ABCG1: variants seen among roughly 807,000 people sequenced by gnomAD.
The protein encoded by ABCG1 is ATP binding cassette subfamily G member 1.
Under a neutral mutation model 69.2 loss-of-function variants are expected in ABCG1, and 29 were observed. The observed-to-expected ratio is 0.42, with a 90% CI of 0.31 to 0.57. The LOEUF is 0.57. Ranked by LOEUF, ABCG1 falls within the 20% of genes least tolerant of loss-of-function variation. The pLI, the probability that ABCG1 is intolerant of heterozygous loss-of-function variation, is 0.15. For synonymous variants in ABCG1, 370 were observed against 374.8 expected (o/e 0.99, Z 0.15); for missense variants, 718 against 898.1 (o/e 0.80, Z 2.56).
chr21:42,213,237 G>T (rs73905579), upstream of ABCG1, among the ~76,000 whole-genome samples: 12,137 of 152,316 alleles, frequency 0.08, 568 homozygotes, highest in East Asian at 0.22. Context: ...AGGGTGCCGA[G>T]GTCTGGGGGA....
chr21:42,214,347 T>C (rs1357071749), upstream of ABCG1, among the ~76,000 whole-genome samples: 1 of 152,244 alleles, frequency 6.6e-6, no homozygotes, highest in Admixed American at 6.5e-5. Context: ...GAGTTTGACC[T>C]TGGACTTCCC....
chr21:42,286,131 G>A (rs767626538), intron 8 of ABCG1, 137 bp downstream of exon 8: 96 of 652,262 alleles, frequency 1.5e-4, no homozygotes, highest in Non-Finnish European at 1.9e-4. Flanking sequence ...GTTATAAAAC[G>A]TTTAAAGAAC....
intron 5 of ABCG1, 112 bp downstream of exon 5, chr21:42,277,057 T>C: frequency 3.4e-6 from 4 of 1,188,218 alleles, no homozygotes; most frequent in Non-Finnish European, 5.0e-6. Flanking sequence ...GATTTGTTTT[T>C]GCCTTGCCTT....
chr21:42,210,221 C>A (rs2067575591), intron 2 of ABCG1, among the ~76,000 whole-genome samples: 1 of 152,158 alleles, frequency 6.6e-6, no homozygotes, highest in Non-Finnish European at 1.5e-5. Flanking sequence ...TGTATCTTTT[C>A]CAGAACATCA....
intron 11 of ABCG1, 104 bp downstream of exon 11, chr21:42,290,322 A>G (rs1156601263): frequency 2.3e-6 from 3 of 1,331,448 alleles, no homozygotes; most frequent in African/African-American, 1.5e-5. Flanking sequence ...TCTAAACACA[A>G]TGTTTTTGTT....
rs867155497 is a variant in ABCG1, at chr21:42,242,011, G to A, written c.286+16097G>A. On this transcript the variant is annotated intron_variant, in intron 2 of 14. Transcript: ENST00000398449. ...AAAAAAAAAAAGAACTCCCCATGGTGTTTTTGGTTACTTGTTTTACAAATA... is the reference window on the plus strand; with the variant it reads ...AAAAAAAAAAAGAACTCCCCATGGTATTTTTGGTTACTTGTTTTACAAATA... 1.9e-4 allele frequency among the ~76,000 whole-genome samples: 28 copies of A among 150,862 alleles called. 1 individual carries two copies. The highest frequency in any genetic ancestry group is 6.9e-3 in the Middle Eastern group (2 of 288).
intron 2 of ABCG1, among the ~76,000 whole-genome samples, chr21:42,209,879 C>T (rs890313309): frequency 1.8e-4 from 28 of 152,250 alleles, no homozygotes; most frequent in Middle Eastern, 3.4e-3. Flanking sequence ...CAGAGAAGAA[C>T]GAGTTTGTTT....
intron 8 of ABCG1, among the ~76,000 whole-genome samples, chr21:42,286,736 G>A (rs948489654): frequency 1.3e-5 from 2 of 152,246 alleles, no homozygotes; most frequent in Admixed American, 1.3e-4. Context: ...GGAGGGAAGG[G>A]CGGGCAGGAA....
In ABCG1 at chr21:42,202,807, C is replaced by T. The variant is rs144931044; in HGVS notation, c.48+1084C>T. Among the ~76,000 whole-genome samples the T allele has an allele frequency of 2.9e-3, 442 of 152,052 alleles. 4 individuals carry two copies. Among genetic ancestry groups the T allele is most frequent in the African/African-American group, 9.8e-3 (406 of 41,492 alleles). ...TTAAAATTTTTTATAGAGATGAGGT[C>T]GCACCCTGTTGCTCAGGCTGGTCTT... is the stretch of plus-strand genomic sequence containing the variant. On this transcript the variant is annotated intron_variant, in intron 2 of 15. Transcript: ENST00000398457.
chr21:42,234,789 C>A (rs531258433), intron 2 of ABCG1, among the ~76,000 whole-genome samples: 151 of 152,048 alleles, frequency 9.9e-4, no homozygotes, highest in African/African-American at 3.5e-3. Flanking sequence ...GAGAAAACAG[C>A]GCTGCCGGAG....
rs1026709267 is a variant in ABCG1, at chr21:42,291,323, C to T, written c.1494+131C>T. ...ACTTCGGGAGCTCTGGTGGGAGCTG[C>T]GGGGAAGGGCCTGACTTCGGGAGCT... On this transcript the variant is annotated intron_variant, in intron 12 of 14. Transcript: ENST00000398449. This position sits in a 1 kb window ranked among gnomAD's most constrained non-coding sequence, Gnocchi z 6.4. 1.3e-5 allele frequency: 15 copies of T among 1,156,804 alleles called. No individual in the cohort carries two copies. Among genetic ancestry groups the T allele is most frequent in the African/African-American group, 1.2e-4 (8 of 65,346 alleles). 71.7% of individuals were successfully genotyped at this position (1,156,804 alleles called of 1,614,324 possible). A position where few individuals can be genotyped will look rare whatever the true frequency, so the allele number is the denominator to read the frequency against.
At position 42,291,620 on chromosome 21, in the gene ABCG1, G is replaced by T; in HGVS notation, c.1617G>T (p.Leu539=). ...TGACCTCCCTGGTGGCACAGTCCCT[G>T]GGCCTGCTGATCGGAGCCGCCTCCA... ...GTMTSLVAQS[L]GLLIGAASTS... The change falls in exon 13 of 15, where the codon CTG becomes CTT. Residue 539 remains leucine (L), a synonymous_variant. Coordinates refer to ENST00000398449, the MANE Select transcript of ABCG1 (RefSeq NM_016818.3). This position sits in a 1 kb window ranked among gnomAD's most constrained non-coding sequence, Gnocchi z 6.4. The T allele has an allele frequency of 6.2e-7, 1 of 1,608,150 alleles. No individual in the cohort carries two copies. The highest frequency in any genetic ancestry group is 8.5e-7 in the Non-Finnish European group (1 of 1,179,774).
At chr21:42,292,435 G>A (rs750000847) in intron 13 of ABCG1, among the ~76,000 whole-genome samples, 12 of 152,130 alleles carry the variant, frequency 7.9e-5, no homozygotes, top group African/African-American at 1.4e-4. Flanking sequence ...GCTGCAACCC[G>A]TGTGCCCCAA....
At position 42,268,398 on chromosome 21, in the gene ABCG1, C is replaced by T. The variant is rs1161316078; in HGVS notation, c.287-2672C>T. Among the ~76,000 whole-genome samples the T allele has an allele frequency of 4.3e-4, 58 of 133,424 alleles. 1 individual carries two copies. The East Asian group carries it at 9.2e-3, about 21-fold the overall frequency. 87.5% of individuals were successfully genotyped at this position (133,424 alleles called of 152,430 possible). A position where few individuals can be genotyped will look rare whatever the true frequency, so the allele number is the denominator to read the frequency against. On this transcript the variant is annotated intron_variant, in intron 2 of 14. Transcript: ENST00000398449. ...GTGTGTGTGTGTGTGTGCGCGCGCG[C>T]GCTGGATACTCAGGAAACCCGACTA...
At chr21:42,262,429 C>T (rs7278062) in intron 2 of ABCG1, among the ~76,000 whole-genome samples, 16,764 of 152,224 alleles carry the variant, frequency 0.11, 1,158 homozygotes, top group Non-Finnish European at 0.15. Flanking sequence ...ACTGCATCAG[C>T]GCTGCCAGCT....
At chr21:42,251,687 G>A (rs2068224245) in intron 2 of ABCG1, among the ~76,000 whole-genome samples, 1 of 152,184 alleles carries the variant, frequency 6.6e-6, no homozygotes, top group Admixed American at 6.5e-5. Context: ...ATTGTGGAAA[G>A]AAGGCCTTGA....
At chr21:42,282,478 G>A (rs2068830556) in intron 6 of ABCG1, 59 bp downstream of exon 6, 15 of 1,541,140 alleles carry the variant, frequency 9.7e-6, no homozygotes, top group African/African-American at 2.7e-5. Context: ...TGTATTCAGC[G>A]GTTCTTCCAG....
chr21:42,271,139 C>G lies in ABCG1; in HGVS notation c.356C>G (p.Pro119Arg). The change falls in exon 3 of 15, where the codon CCT (proline) becomes CGT (arginine). Residue 119 changes from proline (P) to arginine (R), a missense_variant. Transcript: ENST00000398449. Reference protein sequence around the residue: ...NSGELVAIMGPSGAGKSTLMN... With the variant: ...NSGELVAIMGRSGAGKSTLMN... The stretch of plus-strand genomic sequence containing the variant: ...GGTGAGTTGGTGGCCATTATGGGTC[C>G]TTCCGGGGCCGGGAAGTCCACGCTG... The G allele has an allele frequency of 6.3e-7, 1 of 1,581,414 alleles. No homozygotes were observed. The highest frequency in any genetic ancestry group is 2.4e-5 in the East Asian group (1 of 41,460).
At position 42,220,999 on chromosome 21, in the gene ABCG1, T is replaced by C. The variant is rs182913773; in HGVS notation, c.42+1695T>C. Among the ~76,000 whole-genome samples the C allele has an allele frequency of 4.4e-4, 67 of 152,354 alleles. No individual in the cohort carries two copies. In the East Asian group the frequency reaches 0.013, roughly 29 times the overall value. On this transcript the variant is annotated intron_variant, in intron 1 of 14. Coordinates refer to ENST00000398449, the MANE Select transcript of ABCG1 (RefSeq NM_016818.3). ...GGTACAGATTTTTAATACCAAGTTT[T>C]TAAAAAATGTTATATTATCATTTGA...
Sources: gnomAD v4.1 joint callset for allele counts (sites outside exome capture counted in the v4.1 genomes callset) on GRCh38, gnomAD v4.1.1 for gene constraint, Gnocchi (gnomAD v3.1) non-coding constraint, MANE v1.5 for transcripts, NCBI Gene and HGNC (gene_info 2026-07-23, HGNC 2026-07-21) for gene names.